The following DLGAP1 variants were observed in gnomAD, a reference collection of about 807,000 sequenced individuals.
DLGAP1 encodes the protein DLG associated protein 1, also known as disks large-associated protein 1.
Under a neutral mutation model 90.8 loss-of-function variants are expected in DLGAP1, and 11 were observed. The observed-to-expected ratio is 0.12, with a 90% CI of 0.08 to 0.20. DLGAP1 has a LOEUF of 0.20. Ranked by LOEUF, DLGAP1 falls within the 10% of genes least tolerant of loss-of-function variation. DLGAP1 has a pLI of 1.00. For synonymous variants in DLGAP1, 558 were observed against 540.7 expected (o/e 1.03, Z -0.44); for missense variants, 1,050 against 1,333.8 (o/e 0.79, Z 3.31).
At chr18:3,691,868 C>T (rs138499006) in intron 7 of DLGAP1, among the ~76,000 whole-genome samples, 3 of 151,800 alleles carry the variant, frequency 2.0e-5, no homozygotes, top group East Asian at 1.9e-4. Context: ...TACAGTGAGC[C>T]GAGATCATGC....
chr18:3,757,967 T>A (rs933896274), intron 5 of DLGAP1, among the ~76,000 whole-genome samples: 1 of 151,918 alleles, frequency 6.6e-6, no homozygotes, highest in Non-Finnish European at 1.5e-5. Flanking sequence ...TACAAAAAAA[T>A]TAGCCAGGTT....
intron 7 of DLGAP1, among the ~76,000 whole-genome samples, chr18:3,652,633 G>A (rs575959184): frequency 1.3e-5 from 2 of 152,080 alleles, no homozygotes; most frequent in Admixed American, 6.6e-5. Context: ...GTGAACCACC[G>A]CACCCAGCCC....
intron 3 of DLGAP1, among the ~76,000 whole-genome samples, chr18:3,888,870 G>C (rs559991459): frequency 1.4e-4 from 21 of 152,264 alleles, no homozygotes; most frequent in Non-Finnish European, 2.2e-4. Flanking sequence ...GACTCTATGG[G>C]ACCTCGGAGA....
chr18:4,406,977 A>T (rs1345664793), intron 1 of DLGAP1, among the ~76,000 whole-genome samples: 1 of 152,186 alleles, frequency 6.6e-6, no homozygotes, highest in Non-Finnish European at 1.5e-5. Context: ...GAAGTTGATG[A>T]TTTTATGATC....
chr18:3,979,352 C>T (rs2073673307), intron 3 of DLGAP1, among the ~76,000 whole-genome samples: 1 of 152,152 alleles, frequency 6.6e-6, no homozygotes, highest in Non-Finnish European at 1.5e-5. Context: ...ATGTGCTATA[C>T]CATATAGTCT....
chr18:4,337,380 C>T (rs888182862), intron 1 of DLGAP1, among the ~76,000 whole-genome samples: 30 of 151,816 alleles, frequency 2.0e-4, no homozygotes, highest in East Asian at 2.0e-4. Context: ...CTTTTTGTAG[C>T]GACGGGGTCG....
chr18:3,504,804 C>T (rs1434369107), intron 11 of DLGAP1, among the ~76,000 whole-genome samples: 1 of 152,212 alleles, frequency 6.6e-6, no homozygotes, highest in East Asian at 1.9e-4. Flanking sequence ...AGCGTTTAGC[C>T]TCAGCCATTC....
intron 7 of DLGAP1, among the ~76,000 whole-genome samples, chr18:3,592,478 A>T (rs561298445): frequency 6.6e-6 from 1 of 152,218 alleles, no homozygotes; most frequent in African/African-American, 2.4e-5. Context: ...GTGACATGCC[A>T]TTAGATCTTC....
intron 3 of DLGAP1, among the ~76,000 whole-genome samples, chr18:3,889,892 T>A (rs1212234669): frequency 1.3e-5 from 2 of 151,792 alleles, no homozygotes; most frequent in African/African-American, 4.8e-5. Context: ...ACAGAGGGAG[T>A]GTGTGTGGAG....
chr18:4,191,256 G>T (rs1243561845), intron 1 of DLGAP1, among the ~76,000 whole-genome samples: 1 of 151,958 alleles, frequency 6.6e-6, no homozygotes, highest in Non-Finnish European at 1.5e-5. Context: ...TGAATTTTTT[G>T]ATTACTCTAT....
At chr18:4,033,691 G>C (rs1249912994) in intron 2 of DLGAP1, among the ~76,000 whole-genome samples, 1 of 150,354 alleles carries the variant, frequency 6.7e-6, no homozygotes. Flanking sequence ...GTGAAAAATG[G>C]TATCTTCCTT....
intron 1 of DLGAP1, among the ~76,000 whole-genome samples, chr18:4,399,057 C>T (rs1598355340): frequency 6.6e-6 from 1 of 152,270 alleles, no homozygotes; most frequent in Admixed American, 6.5e-5. Context: ...GTCACGATCT[C>T]CTGACCTTGT....
chr18:3,635,283 A>G (rs563154836), intron 7 of DLGAP1, among the ~76,000 whole-genome samples: 1 of 151,978 alleles, frequency 6.6e-6, no homozygotes, highest in African/African-American at 2.4e-5. Flanking sequence ...GGCGCCCGCC[A>G]CCACGCCCGG....
At chr18:3,623,047 C>T (rs535203419) in intron 7 of DLGAP1, among the ~76,000 whole-genome samples, 128 of 151,992 alleles carry the variant, frequency 8.4e-4, no homozygotes, top group African/African-American at 2.9e-3. Flanking sequence ...TCAAATGATC[C>T]GCCTGCCTCT....
chr18:3,908,921 C>G (rs1405290928), intron 3 of DLGAP1, among the ~76,000 whole-genome samples: 1 of 152,100 alleles, frequency 6.6e-6, no homozygotes, highest in African/African-American at 2.4e-5. Context: ...TAATAGGACC[C>G]CTCATTCATC....
intron 7 of DLGAP1, among the ~76,000 whole-genome samples, chr18:3,621,144 T>C (rs1038557600): frequency 6.6e-6 from 1 of 152,188 alleles, no homozygotes; most frequent in African/African-American, 2.4e-5. Context: ...GGCTCACACC[T>C]GTAGTCCCAG....
intron 7 of DLGAP1, among the ~76,000 whole-genome samples, chr18:3,707,984 T>C (rs1236805924): frequency 6.6e-6 from 1 of 151,318 alleles, no homozygotes; most frequent in African/African-American, 2.4e-5. Flanking sequence ...GGCAAAAAAC[T>C]GCATACAACT....
chr18:4,348,381 C>T (rs113243084), intron 1 of DLGAP1, among the ~76,000 whole-genome samples: 34 of 133,662 alleles, frequency 2.5e-4, no homozygotes, highest in African/African-American at 9.5e-4. Context: ...GAATCAGGTG[C>T]CTCAGGATGA....
intron 4 of DLGAP1, among the ~76,000 whole-genome samples, chr18:3,834,255 G>A (rs1331487900): frequency 3.6e-5 from 5 of 140,252 alleles, no homozygotes; most frequent in Admixed American, 7.7e-5. Context: ...GCAGTGAGCC[G>A]AGATCGCGCC....
Sources: allele counts gnomAD v4.1 joint callset (sites outside exome capture counted in the v4.1 genomes callset), GRCh38; gene constraint gnomAD v4.1.1; transcripts MANE v1.5; gene names NCBI Gene and HGNC (gene_info 2026-07-23, HGNC 2026-07-21).